The following DEPDC5 variants were observed in gnomAD, a reference collection of about 807,000 sequenced individuals.
DEPDC5 encodes the protein DEP domain containing 5, GATOR1 subcomplex subunit.
Under a neutral mutation model 217.3 loss-of-function variants are expected in DEPDC5, and 73 were observed. That is an observed-to-expected ratio of 0.34 (90% confidence interval 0.28 to 0.41). The LOEUF is 0.41. Ranked by LOEUF, DEPDC5 falls within the 10% of genes least tolerant of loss-of-function variation. DEPDC5 has a pLI of 1.00. For missense variants in DEPDC5, 1,675 were observed against 2,070.1 expected, an observed-to-expected ratio of 0.81 and a Z score of 3.70; for synonymous variants, 733 against 756.7, an observed-to-expected ratio of 0.97 and a Z score of 0.51.
At chr22:31,868,580 C>G (rs1177757635) in intron 33 of DEPDC5, among the ~76,000 whole-genome samples, 1 of 152,150 alleles carries the variant, frequency 6.6e-6, no homozygotes, top group Non-Finnish European at 1.5e-5. Flanking sequence ...GCGTGTGCCA[C>G]CACGCCTGGC....
At chr22:31,766,828 G>C (rs1367485705) in intron 6 of DEPDC5, among the ~76,000 whole-genome samples, 160 bp downstream of exon 6, 1 of 152,068 alleles carries the variant, frequency 6.6e-6, no homozygotes, top group African/African-American at 2.4e-5. Context: ...TCTTTTCACT[G>C]TTCTTTTGAT....
intron 15 of DEPDC5, among the ~76,000 whole-genome samples, chr22:31,803,323 G>A (rs772414263): frequency 1.3e-5 from 2 of 151,880 alleles, no homozygotes; most frequent in Non-Finnish European, 2.9e-5. Context: ...CTATTCTCCT[G>A]CCTCAGCCTC....
At chr22:31,787,184 C>T (rs1436550831) in intron 10 of DEPDC5, among the ~76,000 whole-genome samples, 1 of 151,992 alleles carries the variant, frequency 6.6e-6, no homozygotes, top group Non-Finnish European at 1.5e-5. Flanking sequence ...CTCCTGAGCT[C>T]AAGTGATTCT....
At position 31,798,416 on chromosome 22, in the gene DEPDC5, G is replaced by A. The variant is rs778047886; in HGVS notation, c.872-166G>A. Among the ~76,000 whole-genome samples the A allele has an allele frequency of 7.9e-5, 12 of 152,250 alleles. No individual in the cohort carries two copies. The South Asian group carries it at 1.2e-3, about 16-fold the overall frequency. On this transcript the variant is annotated intron_variant, in intron 13 of 42. Coordinates refer to ENST00000651528, the MANE Select transcript of DEPDC5 (RefSeq NM_001242896.3). ...GCCTGTAGTCCCAGCTACTCGGGAG[G>A]CTGAGGCAGGAGAATCACTTGAACC...
chr22:31,872,028 C>A (rs1042623137), intron 34 of DEPDC5, among the ~76,000 whole-genome samples: 1 of 152,192 alleles, frequency 6.6e-6, no homozygotes, highest in African/African-American at 2.4e-5. Flanking sequence ...TGAAACACTT[C>A]CAGTGATTTC....
chr22:31,819,024 G>T lies in DEPDC5; in HGVS notation c.1669G>T (p.Val557Phe). 6.2e-7 allele frequency: 1 copy of T among 1,614,164 alleles called. No homozygotes were observed. Among genetic ancestry groups the T allele is most frequent in the Non-Finnish European group, 8.5e-7 (1 of 1,180,018 alleles). Reference protein sequence around the residue: ...SSLGYTSTRDVLENMMEPPQR... With the variant: ...SSLGYTSTRDFLENMMEPPQR... ...CTCAACTCCATGATAACTGGCAGAT[G>T]TCCTGGAGAACATGATGGAGCCACC... The change falls in exon 22 of 43, where the codon GTC becomes TTC. Residue 557 changes from valine (V) to phenylalanine (F), a missense_variant and splice_region_variant. Around this residue, in one of 11 missense-constraint regions of DEPDC5, gnomAD observed 628 missense variants for 762.1 expected, o/e 0.82. Transcript: ENST00000651528.
chr22:31,893,604 G>A lies in DEPDC5; in HGVS notation c.4056G>A (p.Arg1352=). 1 of 1,611,798 alleles carries A rather than the reference G, an allele frequency of 6.2e-7. No individual in the cohort carries two copies. Among genetic ancestry groups the A allele is most frequent in the Non-Finnish European group, 8.5e-7 (1 of 1,178,980 alleles). ...TAGCTGCCACTGTCCCAGAGCAGAG[G>A]ACTGTGACCCTGGATGTTGACGTGA... The part of the protein sequence containing the change: ...ALLAATVPEQ[R]TVTLDVDVNN... Residue 1352 remains arginine, a synonymous_variant, in exon 39 of 43, where the codon AGG becomes AGA. Transcript: ENST00000651528.
intron 14 of DEPDC5, among the ~76,000 whole-genome samples, chr22:31,800,022 C>T (rs573918385): frequency 2.0e-4 from 30 of 151,792 alleles, no homozygotes; most frequent in Non-Finnish European, 4.1e-4. Context: ...AGGATGGTCT[C>T]GATCTCCTGA....
At position 31,907,777 on chromosome 22, in the gene DEPDC5, G is replaced by C. The variant is rs1603024587; in HGVS notation, c.*1280G>C. The C allele has an allele frequency of 6.6e-6, 1 of 152,224 alleles. No individual in the cohort carries two copies. The highest frequency in any genetic ancestry group is 1.9e-4 in the East Asian group (1 of 5,196). The allele number at this position is 152,224 out of a possible 1,614,324, so 9.4% of individuals were successfully genotyped here. On this transcript the variant is annotated 3_prime_UTR_variant, in exon 43 of 43. Coordinates refer to ENST00000651528, the MANE Select transcript of DEPDC5 (RefSeq NM_001242896.3). ...ACTCAGGGCAGTTCAGGAGCTGTGG[G>C]TCAGAGGGGAGAATCCGACAGTGAC...
Position 31,795,065 on chromosome 22 carries a change from ATTTTT to A in DEPDC5, c.767+2267_767+2271del, listed in dbSNP as rs983604458. Among the ~76,000 whole-genome samples the A allele has an allele frequency of 1.3e-4, 14 of 107,376 alleles. No individual in the cohort carries two copies. The East Asian group carries it at 3.5e-3, about 27-fold the overall frequency. 70.4% of individuals were successfully genotyped at this position (107,376 alleles called of 152,430 possible). Reference sequence around the variant, plus strand: ...GAGATGTGATCACACATTCCATGTGATTTTTTTTTTTTTTTTTTTTTTTGAGATGG... The same window carrying A: ...GAGATGTGATCACACATTCCATGTGATTTTTTTTTTTTTTTTTTGAGATGG... On this transcript the variant is annotated intron_variant, in intron 12 of 42. Transcript: ENST00000651528.
chr22:31,780,354 G>C (rs1354628880), intron 8 of DEPDC5, among the ~76,000 whole-genome samples: 1 of 152,112 alleles, frequency 6.6e-6, no homozygotes, highest in Non-Finnish European at 1.5e-5. Context: ...TATGAGATGG[G>C]GAAGACAGGG....
chr22:31,873,200 C>T (rs777310912), intron 34 of DEPDC5, 55 bp from the exon 35 acceptor site: 154 of 1,613,012 alleles, frequency 9.5e-5, no homozygotes, highest in African/African-American at 1.5e-4. Context: ...AATATTCGTG[C>T]TCTTGACTGC....
intron 15 of DEPDC5, 129 bp from the exon 16 acceptor site, chr22:31,804,033 T>C (rs2087186119): frequency 2.5e-6 from 2 of 803,112 alleles, no homozygotes. Context: ...GGCAGCACTA[T>C]GAGGTTATAA....
chr22:31,823,568 G>A (rs967289217), intron 24 of DEPDC5, among the ~76,000 whole-genome samples: 2 of 149,860 alleles, frequency 1.3e-5, no homozygotes, highest in African/African-American at 4.9e-5. Flanking sequence ...AAGTGAGCAC[G>A]CACCAAAGAC....
At chr22:31,895,835 T>C (rs1172444684) in intron 39 of DEPDC5, among the ~76,000 whole-genome samples, 1 of 151,792 alleles carries the variant, frequency 6.6e-6, no homozygotes, top group East Asian at 1.9e-4. Flanking sequence ...AAGACTCTCA[T>C]CTGGGGAACA....
intron 8 of DEPDC5, among the ~76,000 whole-genome samples, chr22:31,781,502 G>A (rs948935933): frequency 6.6e-6 from 1 of 151,846 alleles, no homozygotes. Context: ...GCGTGATCTC[G>A]GCTCACTACA....
chr22:31,821,016 C>T (rs961125300), intron 22 of DEPDC5, among the ~76,000 whole-genome samples: 4 of 152,226 alleles, frequency 2.6e-5, no homozygotes, highest in Admixed American at 2.0e-4. Context: ...TACAAGTTCT[C>T]CTTTCCCAGG....
chr22:31,781,064 A>G (rs1462998766), intron 8 of DEPDC5, among the ~76,000 whole-genome samples: 1 of 151,948 alleles, frequency 6.6e-6, no homozygotes, highest in Non-Finnish European at 1.5e-5. Context: ...TAAACATACA[A>G]AATTAACTGG....
chr22:31,834,765 G>A (rs76786907), intron 25 of DEPDC5, among the ~76,000 whole-genome samples: 10,348 of 151,424 alleles, frequency 0.068, 435 homozygotes, highest in South Asian at 0.18. Flanking sequence ...TCCTGACCTC[G>A]TGATCCGCCC....
Sources: gnomAD v4.1 joint callset for allele counts (sites outside exome capture counted in the v4.1 genomes callset) on GRCh38, gnomAD v4.1.1 for gene constraint, gnomAD v4.1.1 regional missense constraint, MANE v1.5 for transcripts, NCBI Gene and HGNC (gene_info 2026-07-23, HGNC 2026-07-21) for gene names.